Variants in ZFAND4 observed in about 807,000 individuals in gnomAD.
The protein encoded by ZFAND4 is zinc finger AN1-type containing 4, also known as AN1-type zinc finger protein 4.
In ZFAND4, 43 loss-of-function variants were observed where a neutral mutation model predicts 64.4. The observed-to-expected ratio is 0.67, with a 90% CI of 0.52 to 0.86. ZFAND4 has a LOEUF of 0.86. Ranked by LOEUF, ZFAND4 falls within the 40% of genes least tolerant of loss-of-function variation. The pLI, the probability that ZFAND4 is intolerant of heterozygous loss-of-function variation, is 0.00. For missense variants in ZFAND4, 929 were observed against 859.8 expected (o/e 1.08, Z -1.01); for synonymous variants, 296 against 305.7 (o/e 0.97, Z 0.33).
At chr10:45,640,160 G>GATCTAGGATTACTGAAA in intron 5 of ZFAND4, 197 bp from the exon 6 acceptor site, 2 of 1,254,290 alleles carry the variant, frequency 1.6e-6, no homozygotes, top group Non-Finnish European at 2.1e-6. Context: ...TAAATATTAT[G>GATCTAGGATTACTGAAA]ATCTAGGATT....
Position 45,625,973 on chromosome 10 carries a change from A to G in ZFAND4, c.1850T>C (p.Leu617Ser), listed in dbSNP as rs1168910838. 1 of 1,614,106 alleles carries G rather than the reference A, an allele frequency of 6.2e-7. No individual in the cohort carries two copies. The highest frequency in any genetic ancestry group is 2.2e-5 in the East Asian group (1 of 44,890). ...GACCAAAAAAACTCCTGTATGTTCT[A>G]ACTGGGGAGAACTTTTCCTAAAGTT... ...EENFRKSSPQ[L>S]EHTGVFLSTH... Residue 617 changes from leucine to serine, a missense_variant, in exon 7 of 10, where the codon TTA (leucine) becomes TCA (serine). Physicochemically the swap from Leu to Ser is moderately radical, Grantham distance 145. Transcript: ENST00000344646.
At chr10:45,642,552 G>T (rs1255754593) in intron 5 of ZFAND4, among the ~76,000 whole-genome samples, 1 of 144,714 alleles carries the variant, frequency 6.9e-6, no homozygotes, top group Non-Finnish European at 1.5e-5. Flanking sequence ...GCTTGCAAGT[G>T]AGCCGAGATC....
intron 1 of ZFAND4, among the ~76,000 whole-genome samples, chr10:45,671,370 C>T (rs1215069779): frequency 1.3e-5 from 2 of 152,210 alleles, no homozygotes. Context: ...ACTATAAAGA[C>T]ACATGCACAC....
intron 2 of ZFAND4, among the ~76,000 whole-genome samples, chr10:45,662,248 T>A (rs2133849726): frequency 6.6e-6 from 1 of 152,314 alleles, no homozygotes; most frequent in African/African-American, 2.4e-5. Flanking sequence ...ACTGCTTTTG[T>A]CCCCACAATG....
At chr10:45,661,244 A>T (rs1012587506) in intron 2 of ZFAND4, among the ~76,000 whole-genome samples, 5 of 152,152 alleles carry the variant, frequency 3.3e-5, no homozygotes, top group African/African-American at 1.2e-4. Flanking sequence ...AGATACAGAG[A>T]GATTAAGTAA....
intron 6 of ZFAND4, among the ~76,000 whole-genome samples, chr10:45,634,197 T>C (rs1330849638): frequency 6.6e-6 from 1 of 152,198 alleles, no homozygotes; most frequent in African/African-American, 2.4e-5. Context: ...AAATATTAAT[T>C]GATGAATCTA....
chr10:45,616,535 T>C lies in ZFAND4; in HGVS notation c.2085A>G (p.Ala695=). ...AATCATAGGTACAGCCATGAGTTTCTGCATAACGATGAGATGCACAGAAGT... is the reference window on the plus strand; with the variant it reads ...AATCATAGGTACAGCCATGAGTTTCCGCATAACGATGAGATGCACAGAAGT... ...GNNFCASHRY[A]ETHGCTYDYK... Residue 695 remains alanine (A), a synonymous_variant, in exon 10 of 10, where the codon GCA becomes GCG. Coordinates refer to ENST00000344646, the MANE Select transcript of ZFAND4 (RefSeq NM_174890.4). The C allele has an allele frequency of 5.0e-6, 8 of 1,614,174 alleles. No homozygotes were observed. The highest frequency in any genetic ancestry group is 6.8e-6 in the Non-Finnish European group (8 of 1,180,010).
At position 45,626,161 on chromosome 10, in the gene ZFAND4, G is replaced by A. The variant is rs761955254; in HGVS notation, c.1662C>T (p.Asn554=). ...VEARDITEMT[N]KASKEPVGCV... Reference sequence around the variant, plus strand: ...AACCAACAGGCTCTTTGGAAGCCTTGTTAGTCATTTCTGTGATATCCCGAG... The same window carrying A: ...AACCAACAGGCTCTTTGGAAGCCTTATTAGTCATTTCTGTGATATCCCGAG... The change falls in exon 7 of 10, where the codon AAC becomes AAT. Residue 554 remains asparagine (N), a synonymous_variant. Coordinates refer to ENST00000344646, the MANE Select transcript of ZFAND4 (RefSeq NM_174890.4). The A allele has an allele frequency of 3.1e-6, 5 of 1,614,010 alleles. No individual in the cohort carries two copies. The African/African-American group carries it at 5.3e-5, about 17-fold the overall frequency.
At position 45,657,288 on chromosome 10, in the gene ZFAND4, T is replaced by C. The variant is rs527553689; in HGVS notation, c.185-4229A>G. 6.6e-5 allele frequency among the ~76,000 whole-genome samples: 10 copies of C among 152,278 alleles called. No individual in the cohort carries two copies. In the South Asian group the frequency reaches 1.9e-3, roughly 28 times the overall value. ...GGCTCAGCCTCTCAACCTGAACTTATTAAGACAGATGACAAGCAAATTAAA... is the reference window on the plus strand; with the variant it reads ...GGCTCAGCCTCTCAACCTGAACTTACTAAGACAGATGACAAGCAAATTAAA... On this transcript the variant is annotated intron_variant, in intron 2 of 9. Transcript: ENST00000344646.
intron 8 of ZFAND4, among the ~76,000 whole-genome samples, chr10:45,624,323 A>G (rs2045641110): frequency 6.6e-6 from 1 of 152,230 alleles, no homozygotes; most frequent in Non-Finnish European, 1.5e-5. Flanking sequence ...TCATTCTTCA[A>G]TAATCTTGTG....
intron 2 of ZFAND4, among the ~76,000 whole-genome samples, chr10:45,656,236 AAAGAGAAGAG>A (rs71520970): frequency 2.9e-4 from 43 of 149,460 alleles, no homozygotes; most frequent in African/African-American, 6.4e-4. Flanking sequence ...TCTAAAAAGA[AAAGAGAAGAG>A]AAGAGAAGAG....
At position 45,616,165 on chromosome 10, in the gene ZFAND4, A is replaced by G. The variant is rs2044927656; in HGVS notation, c.*271T>C. On this transcript the variant is annotated 3_prime_UTR_variant, in exon 10 of 10. Coordinates refer to ENST00000344646, the MANE Select transcript of ZFAND4 (RefSeq NM_174890.4). ...TGAAGATTTGCCTAGTAAAACTGCA[A>G]TATCATATACAAAACACTTAACACA... 2 of 359,834 alleles carry G rather than the reference A, an allele frequency of 5.6e-6. No individual in the cohort carries two copies. The highest frequency in any genetic ancestry group is 1.0e-5 in the Non-Finnish European group (2 of 199,674). The allele number at this position is 359,834 out of a possible 1,614,324, so 22.3% of individuals were successfully genotyped here. A position where few individuals can be genotyped will look rare whatever the true frequency, so the allele number is the denominator to read the frequency against.
At position 45,648,416 on chromosome 10, in the gene ZFAND4, A is replaced by ATT; in HGVS notation, c.446_447insAA (p.Asp149GlufsTer4). On this transcript the variant is annotated frameshift_variant, in exon 5 of 10. Transcript: ENST00000344646. LOFTEE classifies it high-confidence loss of function. The stretch of plus-strand genomic sequence containing the variant: ...CTACTGCAGGAAAGAAATTCAATTG[A>ATT]TCTCCTTCTTGGTATACCAAAAATG... 2 of 1,613,880 alleles carry ATT rather than the reference A, an allele frequency of 1.2e-6. No individual in the cohort carries two copies. Among genetic ancestry groups the ATT allele is most frequent in the Non-Finnish European group, 1.7e-6 (2 of 1,179,942 alleles).
intron 8 of ZFAND4, among the ~76,000 whole-genome samples, chr10:45,620,033 C>T (rs80143899): frequency 1.2e-4 from 18 of 152,290 alleles, no homozygotes; most frequent in Middle Eastern, 3.4e-3. Context: ...TTAATCTACT[C>T]GAAACCATCT....
chr10:45,624,686 G>C, intron 7 of ZFAND4, 49 bp from the exon 8 acceptor site: 4 of 1,458,690 alleles, frequency 2.7e-6, no homozygotes, highest in Non-Finnish European at 3.8e-6. Flanking sequence ...ATGAAGAATA[G>C]AAATGATCAA....
intron 2 of ZFAND4, among the ~76,000 whole-genome samples, chr10:45,661,875 G>A (rs531139187): frequency 1.2e-3 from 176 of 152,016 alleles, no homozygotes; most frequent in African/African-American, 4.0e-3. Flanking sequence ...AGGAGGCGGA[G>A]GTTGTGGTGA....
intron 8 of ZFAND4, among the ~76,000 whole-genome samples, chr10:45,623,586 T>C (rs2045589453): frequency 6.6e-6 from 1 of 152,128 alleles, no homozygotes; most frequent in Non-Finnish European, 1.5e-5. Flanking sequence ...CTTACATAGG[T>C]ACTTAGAGTA....
At chr10:45,655,223 T>C (rs978125020) in intron 2 of ZFAND4, among the ~76,000 whole-genome samples, 6 of 152,128 alleles carry the variant, frequency 3.9e-5, no homozygotes, top group African/African-American at 1.4e-4. Context: ...TACAAATACA[T>C]GGAAATTAAA....
intron 2 of ZFAND4, among the ~76,000 whole-genome samples, chr10:45,654,403 G>A (rs1198474774): frequency 2.6e-5 from 4 of 152,150 alleles, no homozygotes; most frequent in South Asian, 2.1e-4. Flanking sequence ...GGTGGATCAC[G>A]AGGTCAAGAG....
Sources: gnomAD v4.1 joint callset for allele counts (sites outside exome capture counted in the v4.1 genomes callset) on GRCh38, gnomAD v4.1.1 for gene constraint, MANE v1.5 for transcripts, NCBI Gene and HGNC (gene_info 2026-07-23, HGNC 2026-07-21) for gene names.